The following PPARGC1B variants were observed in gnomAD, a reference collection of about 807,000 sequenced individuals.
PPARGC1B encodes the protein PPARG coactivator 1 beta, also known as peroxisome proliferator-activated receptor gamma coactivator 1-beta.
A neutral mutation model predicts 101.6 loss-of-function variants in PPARGC1B; 34 were observed. The observed-to-expected ratio is 0.33, with a 90% CI of 0.25 to 0.45. The LOEUF is 0.45. PPARGC1B is among the 20% of genes least tolerant of loss of function. PPARGC1B has a pLI of 1.00. For missense variants in PPARGC1B, 1,234 were observed against 1,317.6 expected (o/e 0.94, Z 0.98); for synonymous variants, 548 against 539.3 (o/e 1.02, Z -0.22).
Position 149,758,935 on chromosome 5 carries a change from A to G in PPARGC1B, c.78+28515A>G, listed in dbSNP as rs563976581. Among the ~76,000 whole-genome samples, 11 of 152,364 alleles carry G rather than the reference A, an allele frequency of 7.2e-5. No homozygotes were observed. The East Asian group carries it at 2.1e-3, about 29-fold the overall frequency. ...TTTCCTGCTTTGTTTTTTAACTATA[A>G]AATGAAAGGCTAGTTTTAGAATTTT... On this transcript the variant is annotated intron_variant, in intron 1 of 11. Transcript: ENST00000309241.
intron 1 of PPARGC1B, chr5:149,732,869 T>C (rs1008698872): frequency 2.1e-6 from 1 of 473,528 alleles, no homozygotes; most frequent in African/African-American, 2.0e-5. Flanking sequence ...GAAATAGCAC[T>C]GGACTTGGAG....
chr5:149,818,747 T>A, intron 1 of PPARGC1B: 1 of 445,218 alleles, frequency 2.2e-6, no homozygotes. Context: ...CATTGTTTTA[T>A]CATTATTATT....
chr5:149,824,459 C>G (rs896118410), intron 2 of PPARGC1B, among the ~76,000 whole-genome samples: 1 of 152,200 alleles, frequency 6.6e-6, no homozygotes, highest in African/African-American at 2.4e-5. Context: ...AAAGCACTCT[C>G]ATTACTGCTT....
At position 149,745,093 on chromosome 5, in the gene PPARGC1B, G is replaced by A. The variant is rs183491673; in HGVS notation, c.78+14673G>A. 6.8e-4 allele frequency among the ~76,000 whole-genome samples: 104 copies of A among 152,074 alleles called. 1 individual carries two copies. The highest frequency in any genetic ancestry group is 6.6e-3 in the Admixed American group (101 of 15,274). On this transcript the variant is annotated intron_variant, in intron 1 of 11. Transcript: ENST00000309241. ...ATTTTTTACTTTTTTTAGAGATAGG[G>A]TCTTGCTATATTGCCCGGGCTGGTC...
rs543070440 is a variant in PPARGC1B at position 149,845,747 on chromosome 5, T to A, written c.2817-13T>A. 2 of 1,596,636 alleles carry A rather than the reference T, an allele frequency of 1.3e-6. No homozygotes were observed. The highest frequency in any genetic ancestry group is 8.6e-7 in the Non-Finnish European group (1 of 1,168,580). Reference sequence around the variant, plus strand: ...CAGCCCAATAACATACTCTCCTTGCTCCCTCCCCGCAGAGGCGAGAAGTAC... The same window carrying A: ...CAGCCCAATAACATACTCTCCTTGCACCCTCCCCGCAGAGGCGAGAAGTAC... On this transcript the variant is annotated splice_polypyrimidine_tract_variant and intron_variant, in intron 10 of 11. Transcript: ENST00000309241.
chr5:149,856,183 G>A (rs567158869), downstream of PPARGC1B, among the ~76,000 whole-genome samples: 16 of 152,220 alleles, frequency 1.1e-4, 1 homozygote, highest in South Asian at 1.0e-3. Context: ...ACTATTTTCA[G>A]GTTGCTATTT....
intron 1 of PPARGC1B, among the ~76,000 whole-genome samples, chr5:149,773,362 CAGCTGGTGCATGGGTG>C (rs1756220255): frequency 6.6e-6 from 1 of 152,260 alleles, no homozygotes; most frequent in Admixed American, 6.5e-5. Flanking sequence ...ATGTTTTGTG[CAGCTGGTGCATGGGTG>C]AGCCTGGCAG....
At chr5:149,835,414 G>C in intron 7 of PPARGC1B, 49 bp downstream of exon 7, 1 of 1,536,380 alleles carries the variant, frequency 6.5e-7, no homozygotes, top group Non-Finnish European at 9.0e-7. Context: ...AAACACCCGT[G>C]CATCTCTGAG....
chr5:149,736,130 A>G (rs1023332675), intron 1 of PPARGC1B, among the ~76,000 whole-genome samples: 8 of 152,198 alleles, frequency 5.3e-5, no homozygotes, highest in Non-Finnish European at 7.3e-5. Flanking sequence ...CAACAGAGTG[A>G]GACTCCATCT....
In PPARGC1B at chr5:149,805,099, C is replaced by T. The variant is rs563442462; in HGVS notation, c.79-15334C>T. On this transcript the variant is annotated intron_variant, in intron 1 of 11. Coordinates refer to ENST00000309241, the MANE Select transcript of PPARGC1B (RefSeq NM_133263.4). ...CTCCTTCGTGATGTTGCCTGGGCTT[C>T]TGGAACCCAGGAAGACTCTCAAAGG... is the stretch of plus-strand genomic sequence containing the variant. Among the ~76,000 whole-genome samples the T allele has an allele frequency of 1.5e-3, 234 of 152,306 alleles. 2 individuals carry two copies. The highest frequency in any genetic ancestry group is 0.014 in the Middle Eastern group (4 of 294).
At chr5:149,823,346 G>A (rs1758376862) in intron 2 of PPARGC1B, among the ~76,000 whole-genome samples, 1 of 152,062 alleles carries the variant, frequency 6.6e-6, no homozygotes, top group Admixed American at 6.5e-5. Flanking sequence ...AATTTCCTGG[G>A]TTTCTTGAAC....
At chr5:149,744,961 C>A (rs1390538169) in intron 1 of PPARGC1B, among the ~76,000 whole-genome samples, 1 of 145,734 alleles carries the variant, frequency 6.9e-6, no homozygotes. Flanking sequence ...CAAGCTGGTG[C>A]GATCAAGGAG....
chr5:149,842,767 T>C (rs999654452), intron 10 of PPARGC1B, among the ~76,000 whole-genome samples: 4 of 152,218 alleles, frequency 2.6e-5, no homozygotes, highest in African/African-American at 9.6e-5. Flanking sequence ...GGCCTGGAGA[T>C]AGTGCGGGGC....
intron 1 of PPARGC1B, among the ~76,000 whole-genome samples, chr5:149,761,003 T>C (rs1755696498): frequency 6.6e-6 from 1 of 152,234 alleles, no homozygotes; most frequent in African/African-American, 2.4e-5. Flanking sequence ...TGTTCAGTGA[T>C]GCTGGCAGGC....
chr5:149,771,273 T>A (rs1159355103), intron 1 of PPARGC1B, among the ~76,000 whole-genome samples: 8 of 152,208 alleles, frequency 5.3e-5, no homozygotes, highest in Non-Finnish European at 2.9e-5. Flanking sequence ...ACAGTCATCC[T>A]GAGGATGATG....
At chr5:149,745,057 A>G (rs2113099591) in intron 1 of PPARGC1B, among the ~76,000 whole-genome samples, 1 of 152,168 alleles carries the variant, frequency 6.6e-6, no homozygotes, top group East Asian at 1.9e-4. Flanking sequence ...ATGTGCCACT[A>G]CACCTGGATA....
intron 1 of PPARGC1B, among the ~76,000 whole-genome samples, chr5:149,769,009 G>T (rs1289532101): frequency 6.6e-6 from 1 of 152,164 alleles, no homozygotes; most frequent in Non-Finnish European, 1.5e-5. Context: ...TGATCTCTGT[G>T]CAGTCAGACC....
chr5:149,758,529 G>C (rs2113145572), intron 1 of PPARGC1B, among the ~76,000 whole-genome samples: 1 of 152,350 alleles, frequency 6.6e-6, no homozygotes. Flanking sequence ...ATACCTCAGT[G>C]AACAAGTACA....
chr5:149,750,779 C>T (rs1420443192), intron 1 of PPARGC1B, among the ~76,000 whole-genome samples: 1 of 152,226 alleles, frequency 6.6e-6, no homozygotes, highest in Non-Finnish European at 1.5e-5. Context: ...GCACCAGCTG[C>T]TGGATTTTGC....
Sources: allele counts gnomAD v4.1 joint callset (sites outside exome capture counted in the v4.1 genomes callset), GRCh38; gene constraint gnomAD v4.1.1; transcripts MANE v1.5; gene names NCBI Gene and HGNC (gene_info 2026-07-23, HGNC 2026-07-21).